The following SNTG1 variants were observed in gnomAD, a reference collection of about 807,000 sequenced individuals.
SNTG1 encodes the protein syntrophin gamma 1, also known as gamma-1-syntrophin.
SNTG1 carries 39 observed loss-of-function variants against 74.7 expected under a neutral mutation model. The observed-to-expected ratio is 0.52, with a 90% CI of 0.40 to 0.68. The LOEUF (loss-of-function observed/expected upper bound fraction) is 0.68, where lower values mean the gene tolerates loss of function less well. Ranked by LOEUF, SNTG1 falls within the 30% of genes least tolerant of loss-of-function variation. SNTG1 has a pLI of 0.00. For missense variants in SNTG1, 685 were observed against 609.5 expected, an observed-to-expected ratio of 1.12 and a Z score of -1.30; for synonymous variants, 254 against 217.1, an observed-to-expected ratio of 1.17 and a Z score of -1.49.
Position 50,146,392 on chromosome 8 carries a change from C to T in SNTG1, c.-102-26169C>T, listed in dbSNP as rs374128611. 1.8e-3 allele frequency among the ~76,000 whole-genome samples: 277 copies of T among 152,194 alleles called. 2 individuals are homozygous for T. The highest frequency in any genetic ancestry group is 6.5e-3 in the African/African-American group (268 of 41,534). On this transcript the variant is annotated intron_variant, in intron 1 of 18. Coordinates refer to ENST00000642720, the MANE Select transcript of SNTG1 (RefSeq NM_018967.5). The stretch of plus-strand genomic sequence containing the variant: ...AATTAGCCAGGCGTGGTGGCGCATG[C>T]CTTTAATCCAAGCTACTTGGGAGGC...
At chr8:50,611,995 C>A (rs922769350) in intron 13 of SNTG1, among the ~76,000 whole-genome samples, 1 of 152,050 alleles carries the variant, frequency 6.6e-6, no homozygotes, top group South Asian at 2.1e-4. Flanking sequence ...TGGGTTCAAA[C>A]GGTTCATCTG....
intron 18 of SNTG1, among the ~76,000 whole-genome samples, chr8:50,766,636 T>C (rs898122615): frequency 6.6e-6 from 1 of 151,904 alleles, no homozygotes; most frequent in African/African-American, 2.4e-5. Context: ...CACTTTGTTC[T>C]CCTGTGTCCC....
At chr8:50,701,586 C>CTCCTTCTTCT (rs2095423917) in intron 15 of SNTG1, among the ~76,000 whole-genome samples, 1 of 145,206 alleles carries the variant, frequency 6.9e-6, no homozygotes, top group East Asian at 2.0e-4. Context: ...CTTTTTCTTC[C>CTCCTTCTTCT]TCTTCTTCTT....
At chr8:49,955,869 T>C (rs1355133729) in intron 1 of SNTG1, among the ~76,000 whole-genome samples, 1 of 152,252 alleles carries the variant, frequency 6.6e-6, no homozygotes, top group African/African-American at 2.4e-5. Context: ...TGTCGATTTA[T>C]GGGCAGTAAG....
intron 18 of SNTG1, among the ~76,000 whole-genome samples, chr8:50,785,777 C>A (rs1302227622): frequency 6.6e-6 from 1 of 151,914 alleles, no homozygotes; most frequent in African/African-American, 2.4e-5. Flanking sequence ...AGAAAGCTTG[C>A]AAACCAAATC....
intron 1 of SNTG1, among the ~76,000 whole-genome samples, chr8:50,017,345 A>C (rs1816420191): frequency 6.6e-6 from 1 of 152,060 alleles, no homozygotes; most frequent in African/African-American, 2.4e-5. Flanking sequence ...AAAGACAGGA[A>C]TGGATGAATA....
chr8:50,276,788 C>T (rs891406146), intron 2 of SNTG1, among the ~76,000 whole-genome samples: 1 of 152,148 alleles, frequency 6.6e-6, no homozygotes, highest in African/African-American at 2.4e-5. Flanking sequence ...AGTGAGACCT[C>T]ACCTGTATAA....
In SNTG1 at chr8:50,255,257, G is replaced by T. The variant is rs555335227; in HGVS notation, c.-28+82622G>T. 2.0e-4 allele frequency among the ~76,000 whole-genome samples: 31 copies of T among 152,186 alleles called. 1 individual carries two copies. The highest frequency in any genetic ancestry group is 7.2e-4 in the African/African-American group (30 of 41,526). ...GAAACATAAGCATTTGTCACATTTA[G>T]CCATGATTGGTATTCTTAGCACTGA... On this transcript the variant is annotated intron_variant, in intron 2 of 18. Transcript: ENST00000642720.
At chr8:50,391,861 A>G (rs1265700325) in intron 2 of SNTG1, among the ~76,000 whole-genome samples, 1 of 152,126 alleles carries the variant, frequency 6.6e-6, no homozygotes, top group Non-Finnish European at 1.5e-5. Context: ...CCAAAACCCC[A>G]TAACCACACT....
At chr8:49,938,603 T>TTTTCTTTTTTTCTTTCTTTC in intron 1 of SNTG1, among the ~76,000 whole-genome samples, 1 of 74,754 alleles carries the variant, frequency 1.3e-5, no homozygotes, top group Non-Finnish European at 2.7e-5. Flanking sequence ...TTTTCTTTTC[T>TTTTCTTTTTTTCTTTCTTTC]TTTCTTTCTT....
At chr8:50,205,685 G>A (rs1586685640) in intron 2 of SNTG1, among the ~76,000 whole-genome samples, 1 of 152,104 alleles carries the variant, frequency 6.6e-6, no homozygotes, top group Admixed American at 6.5e-5. Context: ...TTCTTCTAGG[G>A]TTTTTATGGT....
At chr8:49,977,346 T>C (rs894927037) in intron 1 of SNTG1, among the ~76,000 whole-genome samples, 1 of 152,134 alleles carries the variant, frequency 6.6e-6, no homozygotes, top group African/African-American at 2.4e-5. Context: ...TTTTTTTCAT[T>C]CCCATTTTGA....
chr8:50,548,598 T>C (rs2094404393), intron 11 of SNTG1, among the ~76,000 whole-genome samples: 1 of 148,318 alleles, frequency 6.7e-6, no homozygotes, highest in Non-Finnish European at 1.5e-5. Flanking sequence ...ATAGCATATA[T>C]GGCTTTTCCT....
chr8:50,365,924 T>C (rs768208297), intron 2 of SNTG1, among the ~76,000 whole-genome samples: 13 of 152,180 alleles, frequency 8.5e-5, no homozygotes, highest in Admixed American at 5.9e-4. Context: ...TAGATTGGAT[T>C]CTGGGCAGCT....
At chr8:50,443,374 T>C (rs2093376202) in intron 5 of SNTG1, among the ~76,000 whole-genome samples, 1 of 152,148 alleles carries the variant, frequency 6.6e-6, no homozygotes, top group Non-Finnish European at 1.5e-5. Flanking sequence ...CTTATGAAAA[T>C]AATAAATTAT....
intron 2 of SNTG1, among the ~76,000 whole-genome samples, chr8:50,316,253 C>CA (rs1230607150): frequency 1.4e-4 from 22 of 152,186 alleles, no homozygotes; most frequent in African/African-American, 5.1e-4. Flanking sequence ...TGCCAGAGCA[C>CA]ATTTGTTAGA....
At chr8:50,274,340 G>A (rs920065771) in intron 2 of SNTG1, among the ~76,000 whole-genome samples, 1 of 151,974 alleles carries the variant, frequency 6.6e-6, no homozygotes, top group African/African-American at 2.4e-5. Flanking sequence ...ACTCACCTAC[G>A]CTTCCCAAAG....
chr8:50,417,003 T>C (rs142174635), intron 4 of SNTG1, among the ~76,000 whole-genome samples: 1 of 152,270 alleles, frequency 6.6e-6, no homozygotes, highest in Non-Finnish European at 1.5e-5. Flanking sequence ...TGCTATAGTA[T>C]AGGAGGACTT....
At chr8:49,949,725 C>T in intron 1 of SNTG1, among the ~76,000 whole-genome samples, 1 of 152,168 alleles carries the variant, frequency 6.6e-6, no homozygotes, top group East Asian at 1.9e-4. Context: ...GCCATACTTC[C>T]AGAAGCACAA....
Sources: gnomAD v4.1 joint callset for allele counts (sites outside exome capture counted in the v4.1 genomes callset) on GRCh38, gnomAD v4.1.1 for gene constraint, MANE v1.5 for transcripts, NCBI Gene and HGNC (gene_info 2026-07-23, HGNC 2026-07-21) for gene names.